PDS5B: variants seen among roughly 807,000 people sequenced by gnomAD.
The protein encoded by PDS5B is sister chromatid cohesion protein PDS5 homolog B.
A neutral mutation model predicts 184.1 loss-of-function variants in PDS5B; 51 were observed. That is an observed-to-expected ratio of 0.28 (90% confidence interval 0.22 to 0.35). PDS5B has a LOEUF of 0.35. Ranked by LOEUF, PDS5B falls within the 10% of genes least tolerant of loss-of-function variation. The probability of loss-of-function intolerance (pLI) is 1.00; values close to 1 mark genes in which losing one functional copy is unlikely to be tolerated. For missense variants in PDS5B, 1,180 were observed against 1,723.3 expected (o/e 0.68, Z 5.58); for synonymous variants, 566 against 569.2 (o/e 0.99, Z 0.08).
intron 1 of PDS5B, among the ~76,000 whole-genome samples, chr13:32,590,466 T>G (rs900382138): frequency 6.6e-6 from 1 of 152,196 alleles, no homozygotes; most frequent in Non-Finnish European, 1.5e-5. Context: ...CTGCTGTTAC[T>G]TAGTTCCGAA....
intron 1 of PDS5B, among the ~76,000 whole-genome samples, chr13:32,594,195 G>A (rs1176802063): frequency 1.3e-5 from 2 of 152,178 alleles, no homozygotes; most frequent in African/African-American, 2.4e-5. Context: ...TAGTGTTTGG[G>A]ATAAGCCAGG....
intron 11 of PDS5B, among the ~76,000 whole-genome samples, chr13:32,685,206 G>GAAGC (rs1161649563): frequency 6.6e-6 from 1 of 152,194 alleles, no homozygotes; most frequent in African/African-American, 2.4e-5. Flanking sequence ...AAATGGGCAA[G>GAAGC]AAGCACATGG....
chr13:32,760,662 A>G lies in PDS5B; in HGVS notation c.3460A>G (p.Thr1154Ala), dbSNP rs1268218734. 1 of 1,613,972 alleles carries G rather than the reference A, an allele frequency of 6.2e-7. No homozygotes were observed. Among genetic ancestry groups the G allele is most frequent in the Non-Finnish European group, 8.5e-7 (1 of 1,179,974 alleles). ...QSQTKSSRME[T>A]VSNASSSSNP... ...TCAGACCAAATCATCACGAATGGAAACTGTAAGCAATGCAAGCAGCAGCTC... is the reference window on the plus strand; with the variant it reads ...TCAGACCAAATCATCACGAATGGAAGCTGTAAGCAATGCAAGCAGCAGCTC... Residue 1154 changes from threonine to alanine, a missense_variant, in exon 30 of 35, where the codon ACT (threonine) becomes GCT (alanine). Physicochemically the swap from Thr to Ala is moderately conservative, Grantham distance 58. Coordinates refer to ENST00000315596, the MANE Select transcript of PDS5B (RefSeq NM_015032.4).
At chr13:32,707,958 T>C (rs914676724) in intron 18 of PDS5B, among the ~76,000 whole-genome samples, 2 of 152,110 alleles carry the variant, frequency 1.3e-5, no homozygotes, top group Admixed American at 1.3e-4. Flanking sequence ...CCAGAAGACA[T>C]GCCCACCAAT....
chr13:32,644,515 C>T (rs1022625075), intron 1 of PDS5B, among the ~76,000 whole-genome samples: 1 of 151,934 alleles, frequency 6.6e-6, no homozygotes, highest in African/African-American at 2.4e-5. Context: ...CATTTTAAAT[C>T]CTTATACCCT....
At chr13:32,685,846 C>A (rs888065400) in intron 11 of PDS5B, among the ~76,000 whole-genome samples, 1 of 152,022 alleles carries the variant, frequency 6.6e-6, no homozygotes, top group East Asian at 1.9e-4. Flanking sequence ...CACTATGTTG[C>A]CTAGGCTGGT....
chr13:32,740,756 A>G (rs1442113323), intron 21 of PDS5B, among the ~76,000 whole-genome samples: 1 of 151,646 alleles, frequency 6.6e-6, no homozygotes, highest in East Asian at 1.9e-4. Context: ...TTAAAATCCT[A>G]GTTCTTGCAT....
Position 32,668,164 on chromosome 13 carries a change from T to C in PDS5B, c.705+320T>C, listed in dbSNP as rs906835766. Among the ~76,000 whole-genome samples, 8 of 152,174 alleles carry C rather than the reference T, an allele frequency of 5.3e-5. No homozygotes were observed. In the East Asian group the frequency reaches 1.5e-3, roughly 29 times the overall value. ...GTTAAATGTAATTAGATAAAACATA[T>C]GGAACTTTTCATTATTCAGAGACGT... On this transcript the variant is annotated intron_variant, in intron 7 of 34. Transcript: ENST00000315596.
chr13:32,604,719 G>T (rs1566239950), intron 1 of PDS5B, among the ~76,000 whole-genome samples: 1 of 152,056 alleles, frequency 6.6e-6, no homozygotes, highest in East Asian at 1.9e-4. Flanking sequence ...TTTTTTGGTT[G>T]GTAGGCTATT....
In PDS5B at chr13:32,777,601, A is replaced by C. The variant is rs138361831; in HGVS notation, c.*2549A>C. 1.3e-5 allele frequency: 2 copies of C among 152,060 alleles called. No individual in the cohort carries two copies. The highest frequency in any genetic ancestry group is 3.9e-4 in the East Asian group (2 of 5,184). The allele number at this position is 152,060 out of a possible 1,614,324, so 9.4% of individuals were successfully genotyped here. Reference sequence around the variant, plus strand: ...CTGTATAACATTAAGAAAATATTTAACTCCCTGTAACAAGTTCCATTATGA... The same window carrying C: ...CTGTATAACATTAAGAAAATATTTACCTCCCTGTAACAAGTTCCATTATGA... On this transcript the variant is annotated 3_prime_UTR_variant, in exon 35 of 35. Transcript: ENST00000315596.
At chr13:32,641,110 A>T (rs17077703) in intron 1 of PDS5B, among the ~76,000 whole-genome samples, 1,565 of 152,126 alleles carry the variant, frequency 0.01, 38 homozygotes, top group African/African-American at 0.035. Context: ...AGTTTATAAA[A>T]TAGAGTCTGA....
chr13:32,755,755 GT>G (rs750861500), intron 25 of PDS5B, 86 bp from the exon 26 acceptor site: 25 of 618,610 alleles, frequency 4.0e-5, no homozygotes, highest in Non-Finnish European at 6.2e-5. Flanking sequence ...GTAAGATTTG[GT>G]TTTCTAACCT....
intron 1 of PDS5B, among the ~76,000 whole-genome samples, chr13:32,628,128 C>A (rs546921520): frequency 6.6e-6 from 1 of 152,104 alleles, no homozygotes. Context: ...AGTTTTCTTT[C>A]TTTAAGGATT....
chr13:32,684,992 A>G (rs1366843663), intron 11 of PDS5B, among the ~76,000 whole-genome samples: 3 of 152,182 alleles, frequency 2.0e-5, no homozygotes, highest in Admixed American at 2.0e-4. Context: ...GGGCGCCTGT[A>G]GTCCCAGCTA....
intron 34 of PDS5B, 150 bp from the exon 35 acceptor site, chr13:32,774,867 A>G (rs1954905224): frequency 2.7e-6 from 2 of 740,566 alleles, no homozygotes; most frequent in Non-Finnish European, 4.6e-6. Flanking sequence ...ATGTGATGCC[A>G]GGGCAGAAAG....
intron 19 of PDS5B, among the ~76,000 whole-genome samples, chr13:32,730,801 C>A (rs1299507740): frequency 6.6e-6 from 1 of 152,086 alleles, no homozygotes; most frequent in Admixed American, 6.5e-5. Context: ...GATTTTGTAT[C>A]CTGAGACTTT....
intron 19 of PDS5B, among the ~76,000 whole-genome samples, chr13:32,717,017 T>G (rs1298408495): frequency 1.0e-5 from 1 of 99,974 alleles, no homozygotes; most frequent in African/African-American, 4.5e-5. Context: ...GGGAGGGAGG[T>G]GGGGGGGTCA....
chr13:32,655,415 G>T (rs555038275), intron 3 of PDS5B, among the ~76,000 whole-genome samples: 2 of 93,162 alleles, frequency 2.1e-5, no homozygotes, highest in Admixed American at 2.6e-4. Flanking sequence ...GTTTCACACC[G>T]TTGCTCAGGC....
chr13:32,767,368 C>G (rs746634069), intron 31 of PDS5B, among the ~76,000 whole-genome samples: 1 of 152,138 alleles, frequency 6.6e-6, no homozygotes, highest in Non-Finnish European at 1.5e-5. Context: ...AAGCAACCTG[C>G]TGTCACCACT....
Sources: gnomAD v4.1 joint callset for allele counts (sites outside exome capture counted in the v4.1 genomes callset) on GRCh38, gnomAD v4.1.1 for gene constraint, MANE v1.5 for transcripts, NCBI Gene and HGNC (gene_info 2026-07-23, HGNC 2026-07-21) for gene names.